OR8B2: variants seen among roughly 807,000 people sequenced by gnomAD.
OR8B2 encodes olfactory receptor family 8 subfamily B member 2.
For missense variants in OR8B2, 304 were observed against 379.6 expected, an observed-to-expected ratio of 0.80 and a Z score of 1.65; for synonymous variants, 98 against 138.2, an observed-to-expected ratio of 0.71 and a Z score of 2.04.
chr11:124,393,806 G>A, the OR8B2 span, among the ~76,000 whole-genome samples: 8 of 151,388 alleles, frequency 5.3e-5, no homozygotes, highest in African/African-American at 1.5e-4. Flanking sequence ...ACATGCACAC[G>A]TATGTTTATT....
At chr11:124,396,975 A>G in the OR8B2 span, 10 of 1,613,708 alleles carry the variant, frequency 6.2e-6, no homozygotes, top group Non-Finnish European at 8.5e-6. Flanking sequence ...TGGATTACAG[A>G]TGGCCACATA....
intron 1 of OR8B2, among the ~76,000 whole-genome samples, chr11:124,383,997 G>A (rs1273123417): frequency 6.6e-6 from 1 of 152,124 alleles, no homozygotes; most frequent in Non-Finnish European, 1.5e-5. Flanking sequence ...GCTTTCACAG[G>A]TCTTTGTAGG....
chr11:124,382,508 T>A lies in OR8B2; in HGVS notation c.836A>T (p.Asn279Ile). 6 of 1,614,006 alleles carry A rather than the reference T, an allele frequency of 3.7e-6. No homozygotes were observed. Among genetic ancestry groups the A allele is most frequent in the Non-Finnish European group, 5.1e-6 (6 of 1,179,968 alleles). The change falls in exon 2 of 2, where the codon AAT (asparagine) becomes ATT (isoleucine). Residue 279 changes from asparagine (N) to isoleucine (I), a missense_variant. Asn to Ile is a moderately radical substitution (Grantham distance 149). Coordinates refer to ENST00000641451, the MANE Select transcript of OR8B2 (RefSeq NM_001005468.2). ...QGKVSSVFYT[N>I]VVPMLNPLIY... ...GAGGGGATTGAGCATGGGCACCACA[T>A]TAGTGTAGAAAACAGAAGAAACTTT... is the stretch of plus-strand genomic sequence containing the variant.
At chr11:124,391,695 TG>T in the OR8B2 span, among the ~76,000 whole-genome samples, 1 of 152,062 alleles carries the variant, frequency 6.6e-6, no homozygotes, top group Non-Finnish European at 1.5e-5. Context: ...AAGGAGGAAC[TG>T]GTACCATTCC....
the OR8B2 span, chr11:124,396,358 A>G: frequency 7.5e-6 from 11 of 1,458,922 alleles, no homozygotes; most frequent in Non-Finnish European, 1.0e-5. Flanking sequence ...CATGGAACAC[A>G]CTAATAAAAA....
upstream of OR8B2, among the ~76,000 whole-genome samples, chr11:124,386,917 C>G (rs1860711601): frequency 6.6e-6 from 1 of 152,134 alleles, no homozygotes; most frequent in African/African-American, 2.4e-5. Context: ...TCTCCAGCAC[C>G]TGTTGTTTCC....
At chr11:124,385,868 A>G (rs1307259715), upstream of OR8B2, among the ~76,000 whole-genome samples, 2 of 152,052 alleles carry the variant, frequency 1.3e-5, no homozygotes, top group African/African-American at 4.8e-5. Context: ...CCTGGTCTCA[A>G]GAAACCCTCC....
At position 124,382,613 on chromosome 11, in the gene OR8B2, T is replaced by C; in HGVS notation, c.731A>G (p.His244Arg). Reference sequence around the variant, plus strand: ...AAAAAACAGAGACAGAGCAATGACATGAGAGCTACAAGTACTGAAGGCTTT... The same window carrying C: ...AAAAAACAGAGACAGAGCAATGACACGAGAGCTACAAGTACTGAAGGCTTT... ...RSKAFSTCSS[H>R]VIALSLFFGS... The change falls in exon 2 of 2, where the codon CAT becomes CGT. Residue 244 changes from histidine to arginine, a missense_variant. His to Arg is a conservative substitution (Grantham distance 29, BLOSUM62 0). Transcript: ENST00000641451. The C allele has an allele frequency of 1.2e-6, 2 of 1,610,910 alleles. No individual in the cohort carries two copies. Among genetic ancestry groups the C allele is most frequent in the Non-Finnish European group, 1.7e-6 (2 of 1,177,794 alleles).
upstream of OR8B2, among the ~76,000 whole-genome samples, chr11:124,385,647 T>A (rs1311240347): frequency 2.7e-5 from 3 of 110,118 alleles, no homozygotes; most frequent in Non-Finnish European, 3.8e-5. Context: ...TTTTTTTTTT[T>A]AAAGACAGGG....
At chr11:124,386,835 T>C (rs1860709284), upstream of OR8B2, among the ~76,000 whole-genome samples, 1 of 152,104 alleles carries the variant, frequency 6.6e-6, no homozygotes, top group African/African-American at 2.4e-5. Context: ...ATGGCCACAC[T>C]GACTTCCACA....
intron 1 of OR8B2, among the ~76,000 whole-genome samples, chr11:124,383,859 G>A (rs1005111048): frequency 2.6e-5 from 4 of 152,130 alleles, no homozygotes; most frequent in Admixed American, 2.0e-4. Context: ...AAGTCACCGG[G>A]TGATAAAAGA....
the OR8B2 span, chr11:124,396,742 C>G: frequency 3.1e-6 from 5 of 1,613,750 alleles, no homozygotes; most frequent in Non-Finnish European, 2.5e-6. Flanking sequence ...ATATTAATAC[C>G]CACAACAATG....
At chr11:124,387,999 G>A (rs1860728223), upstream of OR8B2, among the ~76,000 whole-genome samples, 2 of 151,732 alleles carry the variant, frequency 1.3e-5, no homozygotes, top group Non-Finnish European at 2.9e-5. Flanking sequence ...GGATTCCTAG[G>A]TATTTTATTC....
the OR8B2 span, among the ~76,000 whole-genome samples, chr11:124,392,779 G>C: frequency 3.1e-4 from 46 of 149,868 alleles, no homozygotes; most frequent in Admixed American, 2.5e-3. Flanking sequence ...AGTTCACATG[G>C]AACCAAAAAA....
chr11:124,385,623 C>G (rs559282672), upstream of OR8B2, among the ~76,000 whole-genome samples: 1 of 87,746 alleles, frequency 1.1e-5, no homozygotes, highest in Non-Finnish European at 2.0e-5. Flanking sequence ...TTTTCTTTTT[C>G]TCTCTCTCTC....
At chr11:124,392,099 G>A in the OR8B2 span, among the ~76,000 whole-genome samples, 1 of 121,648 alleles carries the variant, frequency 8.2e-6, no homozygotes, top group African/African-American at 4.1e-5. Context: ...ATTAGGTATT[G>A]ATGGGACGTA....
At chr11:124,392,151 A>G in the OR8B2 span, among the ~76,000 whole-genome samples, 1 of 113,278 alleles carries the variant, frequency 8.8e-6, no homozygotes, top group Non-Finnish European at 1.7e-5. Flanking sequence ...CCCACAGCCA[A>G]TATCATACTG....
At chr11:124,389,634 AATTG>A in the OR8B2 span, among the ~76,000 whole-genome samples, 5 of 152,334 alleles carry the variant, frequency 3.3e-5, no homozygotes, top group Admixed American at 2.0e-4. Flanking sequence ...CAGGGATAAA[AATTG>A]ATTGTTAAAA....
chr11:124,390,032 A>G, the OR8B2 span, among the ~76,000 whole-genome samples: 1 of 152,164 alleles, frequency 6.6e-6, no homozygotes, highest in Non-Finnish European at 1.5e-5. Context: ...AATGTCAGAG[A>G]AGCCCTGTAG....
Sources: allele counts gnomAD v4.1 joint callset (sites outside exome capture counted in the v4.1 genomes callset), GRCh38; gene constraint gnomAD v4.1.1; transcripts MANE v1.5; gene names NCBI Gene and HGNC (gene_info 2026-07-23, HGNC 2026-07-21).